The following PCDHA1 variants were observed in gnomAD, a reference collection of about 807,000 sequenced individuals.
The protein encoded by PCDHA1 is protocadherin alpha 1, also known as protocadherin alpha-1.
Under a neutral mutation model 61.3 loss-of-function variants are expected in PCDHA1, and 42 were observed. The observed-to-expected ratio is 0.69, with a 90% CI of 0.54 to 0.89. PCDHA1 has a LOEUF of 0.89. PCDHA1 is among the 40% of genes least tolerant of loss of function. The pLI, the probability that PCDHA1 is intolerant of heterozygous loss-of-function variation, is 0.00. For missense variants in PCDHA1, 1,256 were observed against 1,235.3 expected (o/e 1.02, Z -0.25); for synonymous variants, 610 against 553.8 (o/e 1.10, Z -1.43).
At position 140,877,671 on chromosome 5, in the gene PCDHA1, G is replaced by T. The variant is rs138162923; in HGVS notation, c.2394+88987G>T. 2.5e-6 allele frequency: 4 copies of T among 1,613,620 alleles called. No individual in the cohort carries two copies. The South Asian group carries it at 3.3e-5, about 13-fold the overall frequency. On this transcript the variant is annotated intron_variant, in intron 1 of 3. Coordinates refer to ENST00000504120, the MANE Select transcript of PCDHA1 (RefSeq NM_018900.4). ...CGCCGCCCACCGTGAGCCGGTGCGC[G>T]CCGGGCAAGCCCACGCTGGTGTGCT...
intron 1 of PCDHA1, among the ~76,000 whole-genome samples, chr5:140,972,784 C>T (rs2096555970): frequency 1.3e-5 from 2 of 151,762 alleles, no homozygotes; most frequent in South Asian, 4.2e-4. Context: ...CTGCCTCAGC[C>T]TCCTGAGTAG....
chr5:140,965,975 T>TGA (rs1554227957), intron 1 of PCDHA1, among the ~76,000 whole-genome samples: 1 of 152,180 alleles, frequency 6.6e-6, no homozygotes, highest in Non-Finnish European at 1.5e-5. Flanking sequence ...CCCTAGGAGT[T>TGA]GAGCACTTTC....
At chr5:140,823,685 A>G in intron 1 of PCDHA1, 1 of 1,613,946 alleles carries the variant, frequency 6.2e-7, no homozygotes, top group Non-Finnish European at 8.5e-7. Context: ...CGCTCTCTGG[A>G]TGAGACCGAA....
At chr5:140,858,063 G>T in intron 1 of PCDHA1, 1 of 1,597,700 alleles carries the variant, frequency 6.3e-7, no homozygotes, top group Non-Finnish European at 8.6e-7. Flanking sequence ...GTGGAGGGCA[G>T]CCAGGCACCC....
At chr5:140,969,470 T>G in intron 1 of PCDHA1, 1 of 1,483,706 alleles carries the variant, frequency 6.7e-7, no homozygotes, top group African/African-American at 1.4e-5. Context: ...TATCCACAAT[T>G]TGATCATAAT....
At chr5:140,966,396 C>T (rs770476013) in intron 1 of PCDHA1, 11 of 405,036 alleles carry the variant, frequency 2.7e-5, no homozygotes, top group Admixed American at 4.4e-5. Flanking sequence ...TCCGCCACTT[C>T]GGCGCGGAAT....
intron 1 of PCDHA1, among the ~76,000 whole-genome samples, chr5:140,885,980 C>T (rs888571995): frequency 6.6e-6 from 1 of 151,942 alleles, no homozygotes; most frequent in African/African-American, 2.4e-5. Flanking sequence ...ATTATAGATT[C>T]GCATGTGGTT....
chr5:140,884,737 T>C (rs1554181872), intron 1 of PCDHA1: 1 of 1,443,634 alleles, frequency 6.9e-7, no homozygotes, highest in Non-Finnish European at 9.1e-7. Context: ...AAGACATCTT[T>C]CCTGCCAATT....
In PCDHA1 at chr5:140,858,143, A is replaced by T. The variant is rs781919234; in HGVS notation, c.2394+69459A>T. 1.9e-6 allele frequency: 3 copies of T among 1,597,218 alleles called. No homozygotes were observed. The South Asian group carries it at 3.3e-5, about 18-fold the overall frequency. On this transcript the variant is annotated intron_variant, in intron 1 of 3. Transcript: ENST00000504120. The stretch of plus-strand genomic sequence containing the variant: ...CCTGGTGGATGTCAACGTGTACCTG[A>T]TCATCGCCATCTGCGCGGTGTCCAG...
intron 1 of PCDHA1, among the ~76,000 whole-genome samples, chr5:140,908,585 G>A (rs782742805): frequency 3.9e-5 from 6 of 152,160 alleles, no homozygotes; most frequent in South Asian, 4.1e-4. Flanking sequence ...AGAGTAGTTA[G>A]CTGCAGAAGA....
intron 1 of PCDHA1, chr5:140,862,465 G>A (rs1462351326): frequency 8.1e-6 from 3 of 371,280 alleles, no homozygotes; most frequent in Non-Finnish European, 1.6e-5. Flanking sequence ...GACCAAGAGA[G>A]CAAATCTATC....
intron 1 of PCDHA1, among the ~76,000 whole-genome samples, chr5:140,914,691 T>G (rs1300550753): frequency 6.6e-6 from 1 of 152,130 alleles, no homozygotes; most frequent in Non-Finnish European, 1.5e-5. Flanking sequence ...TTTTCTCTGG[T>G]GGTATGATTT....
intron 1 of PCDHA1, chr5:140,822,544 G>A (rs2150117161): frequency 5.6e-6 from 9 of 1,613,792 alleles, no homozygotes; most frequent in Non-Finnish European, 7.6e-6. Context: ...TGCACCAAGT[G>A]GGACATTAGT....
intron 1 of PCDHA1, chr5:140,871,327 C>A: frequency 6.2e-7 from 1 of 1,614,102 alleles, no homozygotes; most frequent in Non-Finnish European, 8.5e-7. Flanking sequence ...GGTGTGCTCC[C>A]GCGCGGTGGG....
At chr5:140,982,824 G>GGTTT (rs74513655) in intron 3 of PCDHA1, among the ~76,000 whole-genome samples, 1 of 151,942 alleles carries the variant, frequency 6.6e-6, no homozygotes, top group African/African-American at 2.4e-5. Context: ...AAGTTTTTGG[G>GGTTT]GTTTGTTTGT....
intron 1 of PCDHA1, chr5:140,868,741 A>G: frequency 4.8e-6 from 1 of 208,168 alleles, no homozygotes; most frequent in South Asian, 1.1e-4. Flanking sequence ...GAGAAATACA[A>G]TGCCATTTCC....
chr5:140,842,313 C>G, intron 1 of PCDHA1: 2 of 1,607,028 alleles, frequency 1.2e-6, no homozygotes, highest in Non-Finnish European at 1.7e-6. Context: ...CCTCCCATGG[C>G]GGGTCATTGC....
At chr5:140,836,907 C>T in intron 1 of PCDHA1, 1 of 583,884 alleles carries the variant, frequency 1.7e-6, no homozygotes, top group Non-Finnish European at 2.8e-6. Context: ...GTTTAATATA[C>T]ACTTTTGTTT....
chr5:140,794,842 C>A (rs781952799), intron 1 of PCDHA1: 1 of 1,078,260 alleles, frequency 9.3e-7, no homozygotes, highest in African/African-American at 1.6e-5. Flanking sequence ...ATACCCAGAG[C>A]CCCTTTGTTA....
Sources: allele counts gnomAD v4.1 joint callset (sites outside exome capture counted in the v4.1 genomes callset), GRCh38; gene constraint gnomAD v4.1.1; transcripts MANE v1.5; gene names NCBI Gene and HGNC (gene_info 2026-07-23, HGNC 2026-07-21).